Variants in C6orf52 observed in about 807,000 individuals in gnomAD.
The protein encoded by C6orf52 is chromosome 6 open reading frame 52, also known as putative uncharacterized protein C6orf52.
Under a neutral mutation model 16.6 loss-of-function variants are expected in C6orf52, and 16 were observed. The ratio of observed to expected loss-of-function variants is 0.96; its 90% CI spans 0.65 to 1.46. The LOEUF is 1.46. Among genes scored for constraint, C6orf52 ranks in the 40% most tolerant of loss-of-function variants. The pLI, the probability that C6orf52 is intolerant of heterozygous loss-of-function variation, is 0.00. For missense variants in C6orf52, 166 were observed against 182.3 expected (o/e 0.91, Z 0.52); for synonymous variants, 53 against 61.4 (o/e 0.86, Z 0.64).
At chr6:10,671,741 T>C in intron 4 of C6orf52, 143 bp from the exon 5 acceptor site, 1 of 514,862 alleles carries the variant, frequency 1.9e-6, no homozygotes. Flanking sequence ...ATTGCATATT[T>C]CCTTTCAATA....
chr6:10,683,333 TAAAATA>T, intron 3 of C6orf52, 101 bp from the exon 4 acceptor site: 3 of 671,640 alleles, frequency 4.5e-6, no homozygotes, highest in Non-Finnish European at 7.5e-6. Flanking sequence ...AAAAACTACC[TAAAATA>T]AAAATAATAT....
intron 4 of C6orf52, among the ~76,000 whole-genome samples, chr6:10,681,571 G>A (rs1216975287): frequency 6.6e-6 from 1 of 152,202 alleles, no homozygotes; most frequent in African/African-American, 2.4e-5. Context: ...CAATACTTGA[G>A]TGTTTATGAT....
intron 1 of C6orf52, among the ~76,000 whole-genome samples, chr6:10,689,168 C>A (rs1020164192): frequency 7.2e-6 from 1 of 138,960 alleles, no homozygotes; most frequent in Non-Finnish European, 1.5e-5. Context: ...CGGATTTTCA[C>A]CATGTTGGCC....
chr6:10,683,808 A>G (rs1435350159), intron 3 of C6orf52, among the ~76,000 whole-genome samples: 1 of 152,264 alleles, frequency 6.6e-6, no homozygotes, highest in African/African-American at 2.4e-5. Context: ...CTCCCAAAGT[A>G]AATCTTGGTT....
At position 10,683,199 on chromosome 6, in the gene C6orf52, C is replaced by T. The variant is rs1194585303; in HGVS notation, c.304G>A (p.Asp102Asn). Residue 102 changes from aspartate (D) to asparagine (N), a missense_variant, in exon 4 of 5, where the codon GAC becomes AAC. Transcript: ENST00000259983. Reference sequence around the variant, plus strand: ...AGGTTTATGTTACCTTCTAGTGGGTCTTCATCTTGGTTTTCAGCTAGAGGT... The same window carrying T: ...AGGTTTATGTTACCTTCTAGTGGGTTTTCATCTTGGTTTTCAGCTAGAGGT... ...TTPLAENQDE[D>N]PLEDPHLHLN... The T allele has an allele frequency of 5.2e-6, 8 of 1,546,366 alleles. No homozygotes were observed. The Admixed American group carries it at 1.4e-4, about 27-fold the overall frequency.
intron 4 of C6orf52, among the ~76,000 whole-genome samples, chr6:10,682,662 A>G (rs2127466073): frequency 6.6e-6 from 1 of 152,326 alleles, no homozygotes; most frequent in African/African-American, 2.4e-5. Flanking sequence ...CCCATTACTT[A>G]AAAGAAGCAA....
intron 1 of C6orf52, among the ~76,000 whole-genome samples, chr6:10,691,845 T>G (rs1387830687): frequency 1.3e-5 from 2 of 152,166 alleles, no homozygotes; most frequent in African/African-American, 4.8e-5. Flanking sequence ...TTTTTTTTTC[T>G]TTTTAAAGTA....
chr6:10,676,132 A>AAAAAC (rs201753993), intron 4 of C6orf52, among the ~76,000 whole-genome samples: 5 of 152,216 alleles, frequency 3.3e-5, no homozygotes, highest in African/African-American at 9.6e-5. Context: ...TCACTCTCAA[A>AAAAAC]AAAACAAAAC....
At chr6:10,687,908 C>T (rs1223632673) in intron 1 of C6orf52, among the ~76,000 whole-genome samples, 1 of 152,174 alleles carries the variant, frequency 6.6e-6, no homozygotes, top group Admixed American at 6.5e-5. Context: ...GGATAGTCTC[C>T]ACTCCACCCC....
At chr6:10,676,605 T>A (rs1408603612) in intron 4 of C6orf52, among the ~76,000 whole-genome samples, 1 of 152,234 alleles carries the variant, frequency 6.6e-6, no homozygotes, top group African/African-American at 2.4e-5. Context: ...AAAGTCTATT[T>A]GCATAATAAG....
chr6:10,689,532 TAA>T (rs1172161120), intron 1 of C6orf52, among the ~76,000 whole-genome samples: 6 of 152,214 alleles, frequency 3.9e-5, no homozygotes, highest in African/African-American at 7.2e-5. Flanking sequence ...AGGCCCAAGC[TAA>T]AAGACTACAT....
chr6:10,687,258 C>G, intron 2 of C6orf52, 94 bp from the exon 3 acceptor site: 3 of 938,236 alleles, frequency 3.2e-6, no homozygotes, highest in Non-Finnish European at 4.8e-6. Context: ...AAGCTGAACA[C>G]CTATGTTCAA....
At chr6:10,675,230 C>T (rs2127460341) in intron 4 of C6orf52, among the ~76,000 whole-genome samples, 1 of 152,316 alleles carries the variant, frequency 6.6e-6, no homozygotes, top group East Asian at 1.9e-4. Context: ...ATTCTATGCT[C>T]TACTGCTATG....
chr6:10,675,867 C>A (rs768178559), intron 4 of C6orf52, among the ~76,000 whole-genome samples: 2 of 152,174 alleles, frequency 1.3e-5, no homozygotes, highest in African/African-American at 4.8e-5. Flanking sequence ...CACGGTGGCT[C>A]ACGCCTGTAA....
At chr6:10,680,612 C>CT (rs1331741801) in intron 4 of C6orf52, among the ~76,000 whole-genome samples, 2 of 152,050 alleles carry the variant, frequency 1.3e-5, no homozygotes, top group African/African-American at 4.8e-5. Flanking sequence ...TATCTGGGGG[C>CT]TGGGCATGGT....
intron 4 of C6orf52, among the ~76,000 whole-genome samples, chr6:10,682,051 C>T (rs149974425): frequency 2.0e-5 from 3 of 152,256 alleles, no homozygotes; most frequent in Admixed American, 1.3e-4. Flanking sequence ...CTTTTCAACT[C>T]GTATGTGATG....
At chr6:10,674,130 A>G (rs527969494) in intron 4 of C6orf52, among the ~76,000 whole-genome samples, 6 of 152,160 alleles carry the variant, frequency 3.9e-5, no homozygotes, top group Non-Finnish European at 8.8e-5. Flanking sequence ...TCATGTCTTC[A>G]CATGGCAGAG....
chr6:10,676,765 G>A (rs930418903), intron 4 of C6orf52, among the ~76,000 whole-genome samples: 14 of 152,032 alleles, frequency 9.2e-5, no homozygotes, highest in African/African-American at 2.9e-4. Flanking sequence ...TTTCCTTTTC[G>A]GAGGCCTGTT....
chr6:10,694,889 G>A, upstream of C6orf52: 2 of 826,694 alleles, frequency 2.4e-6, no homozygotes, highest in South Asian at 1.6e-5. Context: ...CGCCGATGCA[G>A]AAAGGAGTCA....
Sources: allele counts gnomAD v4.1 joint callset (sites outside exome capture counted in the v4.1 genomes callset), GRCh38; gene constraint gnomAD v4.1.1; transcripts MANE v1.5; gene names NCBI Gene and HGNC (gene_info 2026-07-23, HGNC 2026-07-21).